PTPRF: variants seen among roughly 807,000 people sequenced by gnomAD.
PTPRF encodes the protein protein tyrosine phosphatase receptor type F.
PTPRF carries 59 observed loss-of-function variants against 201.8 expected under a neutral mutation model. The ratio of observed to expected loss-of-function variants is 0.29; its 90% confidence interval spans 0.24 to 0.36. The LOEUF (loss-of-function observed/expected upper bound fraction) is 0.36. PTPRF is among the 10% of genes least tolerant of loss of function. The probability of loss-of-function intolerance (pLI) is 1.00; values close to 1 mark genes in which losing one functional copy is unlikely to be tolerated. For synonymous variants in PTPRF, 1,088 were observed against 1,089.7 expected (o/e 1.00, Z 0.03); for missense variants, 2,132 against 2,690.5 (o/e 0.79, Z 4.59).
At chr1:43,560,799 C>T (rs982984829) in intron 5 of PTPRF, among the ~76,000 whole-genome samples, 1 of 152,198 alleles carries the variant, frequency 6.6e-6, no homozygotes, top group African/African-American at 2.4e-5. Flanking sequence ...CTGCCCAGAC[C>T]TGCCTGCAGG....
intron 16 of PTPRF, 52 bp downstream of exon 16, chr1:43,604,241 T>C (rs1570564054): frequency 7.0e-6 from 11 of 1,564,530 alleles, no homozygotes; most frequent in Non-Finnish European, 9.6e-6. Flanking sequence ...CATCTGGGGG[T>C]CTCTGCTCTC....
chr1:43,590,546 C>T (rs1189569605), intron 8 of PTPRF, among the ~76,000 whole-genome samples: 2 of 152,202 alleles, frequency 1.3e-5, no homozygotes, highest in African/African-American at 4.8e-5. Flanking sequence ...GAAATATCTC[C>T]CCTTCCCCTG....
In PTPRF at chr1:43,603,071, A is replaced by G. The variant is rs1654165837; in HGVS notation, c.2341-345A>G. Among the ~76,000 whole-genome samples, 1 of 152,182 alleles carries G rather than the reference A, an allele frequency of 6.6e-6. No individual in the cohort carries two copies. The highest frequency in any genetic ancestry group is 2.1e-4 in the South Asian group (1 of 4,834). On this transcript the variant is annotated intron_variant, in intron 14 of 33. Transcript: ENST00000359947. The surrounding 1 kb of genome is among the most constrained non-coding windows in gnomAD (Gnocchi z 5.8). The stretch of plus-strand genomic sequence containing the variant: ...GCGTGTGGCTGCCAAGAGCCACGCA[A>G]GGTGCTGGGTGCGTGCGAGGCTGTG...
At chr1:43,532,606 A>T (rs1643691802) in intron 1 of PTPRF, 1 of 178,424 alleles carries the variant, frequency 5.6e-6, no homozygotes, top group African/African-American at 2.3e-5. Flanking sequence ...TCTGGTGGGG[A>T]ATCCTTTGGG....
At chr1:43,608,356 C>T (rs1655638689) in intron 21 of PTPRF, among the ~76,000 whole-genome samples, 1 of 152,186 alleles carries the variant, frequency 6.6e-6, no homozygotes, top group Non-Finnish European at 1.5e-5. Flanking sequence ...TTCCTTCTCT[C>T]TTCACACACC....
intron 1 of PTPRF, among the ~76,000 whole-genome samples, chr1:43,533,825 A>G (rs1643852420): frequency 6.6e-6 from 1 of 152,154 alleles, no homozygotes; most frequent in Admixed American, 6.5e-5. Context: ...TGCAAAAGCA[A>G]TTCAGTTACC....
intron 5 of PTPRF, among the ~76,000 whole-genome samples, chr1:43,562,071 A>C (rs762907397): frequency 4.6e-5 from 7 of 151,930 alleles, no homozygotes; most frequent in Non-Finnish European, 8.8e-5. Context: ...ATCCTTGGTA[A>C]GGTGCTCCCT....
intron 22 of PTPRF, chr1:43,612,767 G>A (rs1168842314): frequency 7.3e-7 from 1 of 1,365,732 alleles, no homozygotes; most frequent in Admixed American, 1.9e-5. Context: ...TTTCTCTGCA[G>A]GTTCCAGTGT....
At position 43,590,916 on chromosome 1, in the gene PTPRF, T is replaced by C. The variant is rs2154011059; in HGVS notation, c.950-56T>C. Reference sequence around the variant, plus strand: ...TCCTGGATAATCCCCAAGTCTAGGGTTGGTTCCTAAGGATCTTGACCTCGG... The same window carrying C: ...TCCTGGATAATCCCCAAGTCTAGGGCTGGTTCCTAAGGATCTTGACCTCGG... On this transcript the variant is annotated intron_variant, in intron 8 of 33. Transcript: ENST00000359947. 3 of 1,464,558 alleles carry C rather than the reference T, an allele frequency of 2.0e-6. No homozygotes were observed. In the East Asian group the frequency reaches 6.9e-5, roughly 33 times the overall value. The allele number at this position is 1,464,558 out of a possible 1,614,324, so 90.7% of individuals were successfully genotyped here.
Position 43,603,726 on chromosome 1 carries a change from C to G in PTPRF, c.2574C>G (p.Cys858Trp). The G allele has an allele frequency of 6.2e-7, 1 of 1,613,752 alleles. No individual in the cohort carries two copies. The highest frequency in any genetic ancestry group is 1.1e-5 in the South Asian group (1 of 91,082). Residue 858 changes from cysteine to tryptophan, a missense_variant, in exon 16 of 34, where the codon TGC becomes TGG. By Grantham distance (215) the Cys-to-Trp change is radical. Around this residue, in one of 6 missense-constraint regions of PTPRF, gnomAD observed 818 missense variants for 915.3 expected, o/e 0.89. Coordinates refer to ENST00000359947, the MANE Select transcript of PTPRF (RefSeq NM_002840.5). This position sits in a 1 kb window ranked among gnomAD's most constrained non-coding sequence, Gnocchi z 5.8. ...GELLGYRLQY[C>W]RADEARPNTI... ...TGCTGGGCTACCGGCTGCAGTACTGCCGGGCCGACGAGGCGCGGCCCAACA... is the reference window on the plus strand; with the variant it reads ...TGCTGGGCTACCGGCTGCAGTACTGGCGGGCCGACGAGGCGCGGCCCAACA...
intron 13 of PTPRF, among the ~76,000 whole-genome samples, chr1:43,600,729 C>T (rs1653542938): frequency 6.6e-6 from 1 of 151,900 alleles, no homozygotes; most frequent in East Asian, 1.9e-4. Flanking sequence ...TCCCTTTTTC[C>T]CCTCTCGTGG....
intron 3 of PTPRF, among the ~76,000 whole-genome samples, chr1:43,549,706 T>A (rs1183007299): frequency 6.6e-6 from 1 of 151,910 alleles, no homozygotes; most frequent in Non-Finnish European, 1.5e-5. Flanking sequence ...ATACAAAAAA[T>A]TAGCCAGGCA....
rs2153972376 is a variant in PTPRF, at chr1:43,553,432, C to T, written c.92-60C>T. On this transcript the variant is annotated intron_variant, in intron 3 of 33. Transcript: ENST00000359947. This position sits in a 1 kb window ranked among gnomAD's most constrained non-coding sequence, Gnocchi z 4.1. Reference sequence around the variant, plus strand: ...CTCTGCCCCCATGACTGCCACCTTCCTCACTGGCCATTCCTATAGTGACTG... The same window carrying T: ...CTCTGCCCCCATGACTGCCACCTTCTTCACTGGCCATTCCTATAGTGACTG... The T allele has an allele frequency of 6.5e-7, 1 of 1,537,066 alleles. No homozygotes were observed. Among genetic ancestry groups the T allele is most frequent in the South Asian group, 1.2e-5 (1 of 84,056 alleles).
rs1654808457 is a variant in PTPRF, at chr1:43,605,267, A to G, written c.3213A>G (p.Thr1071=). The G allele has an allele frequency of 3.7e-6, 6 of 1,612,374 alleles. No homozygotes were observed. In the African/African-American group the frequency reaches 5.3e-5, roughly 14 times the overall value. ...TGATCGCAGACCTGCAGCCCAACACAGAGTACTCGTTTGTGCTGATGAACC... is the reference window on the plus strand; with the variant it reads ...TGATCGCAGACCTGCAGCCCAACACGGAGTACTCGTTTGTGCTGATGAACC... The part of the protein sequence containing the change: ...RKLIADLQPN[T]EYSFVLMNRG... The change falls in exon 18 of 34, where the codon ACA becomes ACG. Residue 1071 remains threonine, a synonymous_variant. Coordinates refer to ENST00000359947, the MANE Select transcript of PTPRF (RefSeq NM_002840.5).
At chr1:43,539,116 CT>C (rs1325819625) in intron 2 of PTPRF, among the ~76,000 whole-genome samples, 1 of 152,122 alleles carries the variant, frequency 6.6e-6, no homozygotes, top group East Asian at 1.9e-4. Context: ...AAAGGTGGCA[CT>C]GGTCTGTGTG....
rs187094645 is a variant in PTPRF, at chr1:43,595,599, C to G, written c.1814-2149C>G. ...AACAGTCAATAGGAAAAAAAGAAAC[C>G]GTGGAAAAGAGGGTAACTGGTGGAG... On this transcript the variant is annotated intron_variant, in intron 11 of 33. Coordinates refer to ENST00000359947, the MANE Select transcript of PTPRF (RefSeq NM_002840.5). Among the ~76,000 whole-genome samples the G allele has an allele frequency of 1.4e-4, 21 of 152,170 alleles. No individual in the cohort carries two copies. In the East Asian group the frequency reaches 3.5e-3, roughly 25 times the overall value.
chr1:43,607,032 G>A, intron 21 of PTPRF, 64 bp downstream of exon 21: 1 of 1,583,266 alleles, frequency 6.3e-7, no homozygotes, highest in Non-Finnish European at 8.6e-7. Context: ...GCCCTCTCCG[G>A]GTGTGGTGCC....
At position 43,617,814 on chromosome 1, in the gene PTPRF, G is replaced by T; in HGVS notation, c.4274G>T (p.Gly1425Val). 1 of 1,614,036 alleles carries T rather than the reference G, an allele frequency of 6.2e-7. No homozygotes were observed. The highest frequency in any genetic ancestry group is 8.5e-7 in the Non-Finnish European group (1 of 1,179,978). Residue 1425 changes from glycine to valine, a missense_variant, in exon 25 of 34, where the codon GGC becomes GTC. Gly to Val is a moderately radical substitution (Grantham distance 109). This residue lies in a region of PTPRF where 22 missense variants were observed against 48.1 expected (regional missense o/e 0.46). Transcript: ENST00000359947. ...RKQNAYIATQGPLPETMGDFW... is the reference protein window; with the variant it reads ...RKQNAYIATQVPLPETMGDFW... ...CAGAATGCCTACATCGCCACGCAGG[G>T]CCCCCTGCCCGAGACCATGGGTGAT...
intron 5 of PTPRF, among the ~76,000 whole-genome samples, chr1:43,558,523 C>T (rs191455288): frequency 2.6e-5 from 4 of 152,164 alleles, no homozygotes; most frequent in Non-Finnish European, 2.9e-5. Context: ...ACAAGCTGGC[C>T]GGGGTGAGCC....
Sources: gnomAD v4.1 joint callset for allele counts (sites outside exome capture counted in the v4.1 genomes callset) on GRCh38, gnomAD v4.1.1 for gene constraint, gnomAD v4.1.1 regional missense constraint, Gnocchi (gnomAD v3.1) non-coding constraint, MANE v1.5 for transcripts, NCBI Gene and HGNC (gene_info 2026-07-23, HGNC 2026-07-21) for gene names.